DPYSL2: variants seen among roughly 807,000 people sequenced by gnomAD.
DPYSL2 encodes dihydropyrimidinase like 2.
DPYSL2 carries 13 observed loss-of-function variants against 69.9 expected under a neutral mutation model. The ratio of observed to expected loss-of-function variants is 0.19; its 90% confidence interval spans 0.12 to 0.30. DPYSL2 has a LOEUF of 0.30. Among genes scored for constraint, DPYSL2 ranks in the 10% least tolerant of loss-of-function variants. DPYSL2 has a pLI of 1.00. For missense variants in DPYSL2, 587 were observed against 918.9 expected, an observed-to-expected ratio of 0.64 and a Z score of 4.67; for synonymous variants, 326 against 359.1, an observed-to-expected ratio of 0.91 and a Z score of 1.04.
intron 1 of DPYSL2, among the ~76,000 whole-genome samples, chr8:26,569,583 A>G (rs1801207395): frequency 6.6e-6 from 1 of 152,042 alleles, no homozygotes; most frequent in South Asian, 2.1e-4. Context: ...GGAGTGGAGG[A>G]CTAGGTGGTT....
At chr8:26,629,432 A>C (rs1449849379) in intron 7 of DPYSL2, among the ~76,000 whole-genome samples, 1 of 152,224 alleles carries the variant, frequency 6.6e-6, no homozygotes, top group Non-Finnish European at 1.5e-5. Context: ...TTTCAGTAGC[A>C]TTTGAGGCCC....
intron 3 of DPYSL2, among the ~76,000 whole-genome samples, chr8:26,611,740 T>G (rs1802234521): frequency 6.6e-6 from 1 of 152,200 alleles, no homozygotes; most frequent in African/African-American, 2.4e-5. Context: ...CAGGCCACGA[T>G]TTCGTCATCC....
Position 26,647,503 on chromosome 8 carries a change from C to T in DPYSL2, c.1426-127C>T. ...GTGACCTTTGAGACGGTTTGTGTTTCACTTGGCACAACGCTCTTGACATCC... is the reference window on the plus strand; with the variant it reads ...GTGACCTTTGAGACGGTTTGTGTTTTACTTGGCACAACGCTCTTGACATCC... On this transcript the variant is annotated intron_variant, in intron 10 of 13. Transcript: ENST00000521913. The surrounding 1 kb of genome is among the most constrained non-coding windows in gnomAD (Gnocchi z 5.1). 2 of 1,003,710 alleles carry T rather than the reference C, an allele frequency of 2.0e-6. No individual in the cohort carries two copies. The highest frequency in any genetic ancestry group is 2.9e-6 in the Non-Finnish European group (2 of 681,424). The allele number at this position is 1,003,710 out of a possible 1,614,324, so 62.2% of individuals were successfully genotyped here.
At chr8:26,590,664 A>C (rs1480648973) in intron 3 of DPYSL2, among the ~76,000 whole-genome samples, 1 of 151,222 alleles carries the variant, frequency 6.6e-6, no homozygotes, top group African/African-American at 2.4e-5. Context: ...CACTGCGTGA[A>C]TCTCGGCCTT....
At position 26,591,002 on chromosome 8, in the gene DPYSL2, T is replaced by G. The variant is rs1336454289; in HGVS notation, c.628+7019T>G. On this transcript the variant is annotated intron_variant, in intron 3 of 13. Coordinates refer to ENST00000521913, the MANE Select transcript of DPYSL2 (RefSeq NM_001197293.3). This position sits in a 1 kb window ranked among gnomAD's most constrained non-coding sequence, Gnocchi z 5.8. ...TCTGTTTCGTGGACATTGTGGCAGT[T>G]ATCATACTGTCCCAGGGTTTCTTGC... Among the ~76,000 whole-genome samples, 1 of 152,198 alleles carries G rather than the reference T, an allele frequency of 6.6e-6. No individual in the cohort carries two copies. The highest frequency in any genetic ancestry group is 1.5e-5 in the Non-Finnish European group (1 of 68,022).
At position 26,649,211 on chromosome 8, in the gene DPYSL2, G is replaced by A. The variant is rs114199792; in HGVS notation, c.1596+1411G>A. On this transcript the variant is annotated intron_variant, in intron 11 of 13. Coordinates refer to ENST00000521913, the MANE Select transcript of DPYSL2 (RefSeq NM_001197293.3). ...GTCTAATGTTACATAGCGATTTTGC[G>A]GTTGAGCCAGAATTAGAACCCAAAA... 2.6e-3 allele frequency among the ~76,000 whole-genome samples: 400 copies of A among 152,338 alleles called. 1 individual carries two copies. The highest frequency in any genetic ancestry group is 8.8e-3 in the African/African-American group (365 of 41,574).
intron 1 of DPYSL2, among the ~76,000 whole-genome samples, chr8:26,541,434 C>A (rs1271797876): frequency 6.6e-6 from 1 of 152,104 alleles, no homozygotes; most frequent in East Asian, 1.9e-4. Context: ...CTGAAACAAA[C>A]AATGCTTCAG....
At chr8:26,558,401 A>T (rs965411707) in intron 1 of DPYSL2, among the ~76,000 whole-genome samples, 4 of 152,210 alleles carry the variant, frequency 2.6e-5, no homozygotes, top group Non-Finnish European at 5.9e-5. Context: ...CACTAAAAAG[A>T]TCAGTGTTTA....
chr8:26,602,467 G>A (rs66480522), intron 3 of DPYSL2, among the ~76,000 whole-genome samples: 21,930 of 152,028 alleles, frequency 0.14, 1,711 homozygotes, highest in African/African-American at 0.17. Context: ...AGAATGGAGA[G>A]TATTATGCTA....
rs145637301 is a variant in DPYSL2 at position 26,562,343 on chromosome 8, A to G, written c.355-19626A>G. 2.3e-3 allele frequency among the ~76,000 whole-genome samples: 347 copies of G among 152,338 alleles called. 1 individual carries two copies. Among genetic ancestry groups the G allele is most frequent in the African/African-American group, 8.1e-3 (336 of 41,582 alleles). On this transcript the variant is annotated intron_variant, in intron 1 of 13. Transcript: ENST00000521913. This position sits in a 1 kb window ranked among gnomAD's most constrained non-coding sequence, Gnocchi z 4.9. ...AAGCACTGAGAACAATGCCTGGCCC[A>G]GTAATTGCTGCAAAAGTGGTAGCTG...
chr8:26,542,690 T>C (rs1800705073), intron 1 of DPYSL2, among the ~76,000 whole-genome samples: 1 of 152,190 alleles, frequency 6.6e-6, no homozygotes, highest in African/African-American at 2.4e-5. Context: ...CCTCATAAAG[T>C]GTTGGGATTA....
chr8:26,579,206 G>A (rs1801429068), intron 1 of DPYSL2, among the ~76,000 whole-genome samples: 1 of 152,268 alleles, frequency 6.6e-6, no homozygotes, highest in Non-Finnish European at 1.5e-5. Context: ...GCTCGGCGCA[G>A]TGCTGGGGCC....
At position 26,626,363 on chromosome 8, in the gene DPYSL2, G is replaced by C. The variant is rs146080396; in HGVS notation, c.794-254G>C. 7.2e-5 allele frequency among the ~76,000 whole-genome samples: 11 copies of C among 152,172 alleles called. No homozygotes were observed. In the East Asian group the frequency reaches 2.1e-3, roughly 29 times the overall value. ...TTGTAAACTTACAGGAAGATTATAA[G>C]AATACTAAAAAGCATCCTTGTGCCT... On this transcript the variant is annotated intron_variant, in intron 4 of 13. Transcript: ENST00000521913. The surrounding 1 kb of genome is among the most constrained non-coding windows in gnomAD (Gnocchi z 4.3).
chr8:26,641,873 G>A lies in DPYSL2; in HGVS notation c.1127-1566G>A, dbSNP rs1300127613. Reference sequence around the variant, plus strand: ...TGTGAAATTCCTGAGGCAGGAGGGGGCAGCTGTGCAGAGCCAGCTCTCAGA... The same window carrying A: ...TGTGAAATTCCTGAGGCAGGAGGGGACAGCTGTGCAGAGCCAGCTCTCAGA... On this transcript the variant is annotated intron_variant, in intron 8 of 13. Coordinates refer to ENST00000521913, the MANE Select transcript of DPYSL2 (RefSeq NM_001197293.3). This position sits in a 1 kb window ranked among gnomAD's most constrained non-coding sequence, Gnocchi z 4.1. Among the ~76,000 whole-genome samples, 1 of 152,218 alleles carries A rather than the reference G, an allele frequency of 6.6e-6. No individual in the cohort carries two copies. Among genetic ancestry groups the A allele is most frequent in the African/African-American group, 2.4e-5 (1 of 41,464 alleles).
chr8:26,628,098 C>T (rs1246184444), intron 7 of DPYSL2, among the ~76,000 whole-genome samples, 158 bp downstream of exon 7: 4 of 152,196 alleles, frequency 2.6e-5, no homozygotes, highest in Non-Finnish European at 4.4e-5. Flanking sequence ...TGTCTGTCTA[C>T]GCAGGCAAAG....
chr8:26,620,273 T>C lies in DPYSL2; in HGVS notation c.629-3870T>C, dbSNP rs1188429193. ...GAGCTTTTATTTTTTTCCTTTTTTT[T>C]TGAGGCAGTCTCTTGCTCTGTCACC... On this transcript the variant is annotated intron_variant, in intron 3 of 13. Coordinates refer to ENST00000521913, the MANE Select transcript of DPYSL2 (RefSeq NM_001197293.3). This position sits in a 1 kb window ranked among gnomAD's most constrained non-coding sequence, Gnocchi z 4.5. Among the ~76,000 whole-genome samples the C allele has an allele frequency of 6.6e-6, 1 of 152,166 alleles. No individual in the cohort carries two copies. The highest frequency in any genetic ancestry group is 2.4e-5 in the African/African-American group (1 of 41,428).
At chr8:26,604,757 G>T (rs774391738) in intron 3 of DPYSL2, among the ~76,000 whole-genome samples, 2 of 152,038 alleles carry the variant, frequency 1.3e-5, no homozygotes, top group Non-Finnish European at 1.5e-5. Flanking sequence ...CTCCTCCGGG[G>T]TTCAAGTGAT....
Position 26,588,011 on chromosome 8 carries a change from C to T in DPYSL2, c.628+4028C>T, listed in dbSNP as rs537720478. On this transcript the variant is annotated intron_variant, in intron 3 of 13. Coordinates refer to ENST00000521913, the MANE Select transcript of DPYSL2 (RefSeq NM_001197293.3). This position sits in a 1 kb window ranked among gnomAD's most constrained non-coding sequence, Gnocchi z 5.4. ...GGCCTCACCGCTTGCCCTGGGGCCA[C>T]CTTTGCTCTCAGCCTCAGTGGCCTC... Among the ~76,000 whole-genome samples the T allele has an allele frequency of 2.0e-5, 3 of 152,202 alleles. No individual in the cohort carries two copies. Among genetic ancestry groups the T allele is most frequent in the Non-Finnish European group, 4.4e-5 (3 of 68,040 alleles).
At chr8:26,623,643 G>A (rs1802548241) in intron 3 of DPYSL2, among the ~76,000 whole-genome samples, 1 of 152,202 alleles carries the variant, frequency 6.6e-6, no homozygotes, top group African/African-American at 2.4e-5. Flanking sequence ...AAATTACAAA[G>A]TGGTATTATG....
Sources: gnomAD v4.1 joint callset for allele counts (sites outside exome capture counted in the v4.1 genomes callset) on GRCh38, gnomAD v4.1.1 for gene constraint, Gnocchi (gnomAD v3.1) non-coding constraint, MANE v1.5 for transcripts, NCBI Gene and HGNC (gene_info 2026-07-23, HGNC 2026-07-21) for gene names.